ERG: variants seen among roughly 807,000 people sequenced by gnomAD.
The protein encoded by ERG is transcriptional regulator ERG.
In ERG, 9 loss-of-function variants were observed where a neutral mutation model predicts 55.3. The ratio of observed to expected loss-of-function variants is 0.16; its 90% CI spans 0.10 to 0.28. ERG has a LOEUF of 0.28. ERG is among the 10% of genes least tolerant of loss of function. The probability of loss-of-function intolerance (pLI) is 1.00; values close to 1 mark genes in which losing one functional copy is unlikely to be tolerated. For synonymous variants in ERG, 223 were observed against 237.3 expected (o/e 0.94, Z 0.55); for missense variants, 434 against 631.6 (o/e 0.69, Z 3.35).
chr21:38,657,134 G>A (rs1417608332), intron 1 of ERG, among the ~76,000 whole-genome samples: 1 of 152,064 alleles, frequency 6.6e-6, no homozygotes, highest in African/African-American at 2.4e-5. Flanking sequence ...AAAAAAAGAG[G>A]TGATAAATTA....
intron 1 of ERG, among the ~76,000 whole-genome samples, chr21:38,478,034 G>A (rs2059204993): frequency 6.6e-6 from 1 of 152,214 alleles, no homozygotes; most frequent in Non-Finnish European, 1.5e-5. Context: ...TCTTTTTCCA[G>A]TAGGTAAGTC....
rs149695353 is a variant in ERG at position 38,397,101 on chromosome 21, G to A, written c.745+3473C>T. Among the ~76,000 whole-genome samples, 15 of 152,198 alleles carry A rather than the reference G, an allele frequency of 9.9e-5. No individual in the cohort carries two copies. In the East Asian group the frequency reaches 2.7e-3, roughly 28 times the overall value. On this transcript the variant is annotated intron_variant, in intron 6 of 9. Transcript: ENST00000288319. ...CTAGGTACGGGCATGCAAGGAAAAGGGATGAGGTTTGGACAAATGGCAGGT... is the reference window on the plus strand; with the variant it reads ...CTAGGTACGGGCATGCAAGGAAAAGAGATGAGGTTTGGACAAATGGCAGGT...
At chr21:38,436,124 C>T (rs536481815) in intron 2 of ERG, among the ~76,000 whole-genome samples, 101 of 149,498 alleles carry the variant, frequency 6.8e-4, no homozygotes, top group African/African-American at 2.0e-3. Flanking sequence ...TGGGTTCAAG[C>T]GATTCTCCCG....
chr21:38,417,941 T>C (rs1386855633), intron 3 of ERG, among the ~76,000 whole-genome samples: 4 of 152,242 alleles, frequency 2.6e-5, no homozygotes, highest in African/African-American at 9.6e-5. Context: ...CCTTCCTCTT[T>C]GTTAGCCACT....
intron 6 of ERG, among the ~76,000 whole-genome samples, chr21:38,396,230 T>C (rs988508206): frequency 6.6e-6 from 1 of 152,260 alleles, no homozygotes; most frequent in African/African-American, 2.4e-5. Context: ...TTCCTCCAGA[T>C]CTTCTTAAAA....
intron 1 of ERG, among the ~76,000 whole-genome samples, chr21:38,493,797 C>G (rs538793129): frequency 1.3e-5 from 2 of 152,322 alleles, no homozygotes; most frequent in African/African-American, 4.8e-5. Flanking sequence ...CCTGCAAGCT[C>G]CCTCCTCCTT....
intron 2 of ERG, among the ~76,000 whole-genome samples, chr21:38,539,008 C>T (rs1322000134): frequency 6.6e-6 from 1 of 152,210 alleles, no homozygotes; most frequent in African/African-American, 2.4e-5. Context: ...CAGATGTCAG[C>T]TCTCAGAATC....
chr21:38,423,417 C>A lies in ERG; in HGVS notation c.381G>T (p.Val127=), dbSNP rs2146502237. The part of the protein sequence containing the change: ...NMTTNERRVI[V]PADPTLWSTD... ...AAGCTGTGGGCACCTGACCTGCTGG[C>A]ACGATAACTCTGCGCTCGTTCGTGG... The change falls in exon 3 of 10, where the codon GTG becomes GTT. Residue 127 remains valine (V), a synonymous_variant. Transcript: ENST00000288319. The A allele has an allele frequency of 6.2e-7, 1 of 1,612,742 alleles. No individual in the cohort carries two copies.
At chr21:38,373,911 G>A in the ERG span, among the ~76,000 whole-genome samples, 1 of 151,944 alleles carries the variant, frequency 6.6e-6, no homozygotes, top group Non-Finnish European at 1.5e-5. Flanking sequence ...AATGTATATT[G>A]TTATTGTCAC....
At chr21:38,615,152 A>G (rs2060251090) in intron 1 of ERG, among the ~76,000 whole-genome samples, 1 of 152,210 alleles carries the variant, frequency 6.6e-6, no homozygotes, top group Non-Finnish European at 1.5e-5. Flanking sequence ...TCAGAAAGTC[A>G]CCATAAAACC....
intron 1 of ERG, among the ~76,000 whole-genome samples, chr21:38,455,491 T>C (rs2058979546): frequency 1.3e-5 from 2 of 152,170 alleles, no homozygotes; most frequent in Non-Finnish European, 2.9e-5. Context: ...CTCTCTCCTC[T>C]TCAGAAGGAG....
intron 2 of ERG, among the ~76,000 whole-genome samples, chr21:38,522,491 A>C (rs78985271): frequency 6.6e-6 from 1 of 152,196 alleles, no homozygotes; most frequent in African/African-American, 2.4e-5. Context: ...ATGACAAATG[A>C]TTGTGTAAAG....
chr21:38,462,221 G>C (rs1270352310), intron 1 of ERG, among the ~76,000 whole-genome samples: 1 of 152,182 alleles, frequency 6.6e-6, no homozygotes, highest in Non-Finnish European at 1.5e-5. Context: ...GACCTCAGGT[G>C]ATCTGCCTGC....
At chr21:38,547,184 A>G (rs2146807932) in intron 2 of ERG, among the ~76,000 whole-genome samples, 1 of 152,344 alleles carries the variant, frequency 6.6e-6, no homozygotes. Context: ...CTACATGAAA[A>G]GTCATGGATT....
At chr21:38,532,766 A>G (rs1181038296) in intron 2 of ERG, among the ~76,000 whole-genome samples, 1 of 152,188 alleles carries the variant, frequency 6.6e-6, no homozygotes, top group African/African-American at 2.4e-5. Context: ...CAATTCAATG[A>G]TCTCTATGGA....
chr21:38,571,087 A>AT (rs962486586), intron 2 of ERG, among the ~76,000 whole-genome samples: 7 of 152,104 alleles, frequency 4.6e-5, no homozygotes, highest in African/African-American at 1.4e-4. Flanking sequence ...TGGATTTGCT[A>AT]TTTTTTTTGT....
chr21:38,465,441 G>A (rs1166137643), intron 1 of ERG, among the ~76,000 whole-genome samples: 1 of 152,148 alleles, frequency 6.6e-6, no homozygotes, highest in South Asian at 2.1e-4. Flanking sequence ...GGTTTTTAGG[G>A]CAGTGAAACT....
At chr21:38,389,849 TA>T (rs1247257403) in intron 9 of ERG, among the ~76,000 whole-genome samples, 1 of 152,034 alleles carries the variant, frequency 6.6e-6, no homozygotes, top group African/African-American at 2.4e-5. Context: ...TTCAGCTGTG[TA>T]AAAAAAATTC....
intron 1 of ERG, among the ~76,000 whole-genome samples, chr21:38,454,622 C>T (rs940132661): frequency 6.6e-6 from 1 of 152,166 alleles, no homozygotes; most frequent in African/African-American, 2.4e-5. Context: ...GTGTGTGTAA[C>T]AGGTTTCATA....
Sources: gnomAD v4.1 joint callset for allele counts (sites outside exome capture counted in the v4.1 genomes callset) on GRCh38, gnomAD v4.1.1 for gene constraint, MANE v1.5 for transcripts, NCBI Gene and HGNC (gene_info 2026-07-23, HGNC 2026-07-21) for gene names.